ACSM2B: variants seen among roughly 807,000 people sequenced by gnomAD.
ACSM2B encodes the protein acyl-CoA synthetase medium chain family member 2B.
Under a neutral mutation model 78.6 loss-of-function variants are expected in ACSM2B, and 58 were observed. The observed-to-expected ratio is 0.74, with a 90% CI of 0.60 to 0.92. The LOEUF is 0.92. ACSM2B is among the 40% of genes least tolerant of loss of function. The pLI, the probability that ACSM2B is intolerant of heterozygous loss-of-function variation, is 0.00. For missense variants in ACSM2B, 688 were observed against 711.2 expected (o/e 0.97, Z 0.37); for synonymous variants, 257 against 256.8 (o/e 1.00, Z -0.01).
intron 1 of ACSM2B, among the ~76,000 whole-genome samples, chr16:20,566,432 T>C (rs2015845453): frequency 7.7e-6 from 1 of 130,098 alleles, no homozygotes; most frequent in Non-Finnish European, 1.6e-5. Flanking sequence ...TATTATACAT[T>C]TATATTGTAT....
At chr16:20,561,960 A>G (rs28633991) in intron 2 of ACSM2B, among the ~76,000 whole-genome samples, 27,213 of 57,810 alleles carry the variant, frequency 0.47, 3,512 homozygotes, top group East Asian at 0.76. Context: ...GAGAACATGC[A>G]GTGTTTGGTT....
At chr16:20,571,053 T>C (rs1464737957) in intron 1 of ACSM2B, among the ~76,000 whole-genome samples, 1 of 151,958 alleles carries the variant, frequency 6.6e-6, no homozygotes, top group Non-Finnish European at 1.5e-5. Context: ...TTGTATTTTT[T>C]TATCTCAATT....
intron 10 of ACSM2B, chr16:20,544,584 G>T: frequency 1.0e-6 from 1 of 985,252 alleles, no homozygotes; most frequent in Non-Finnish European, 1.2e-6. Flanking sequence ...GGATCAGAAG[G>T]CATGCCCTTG....
At chr16:20,547,693 C>G (rs187739108) in intron 8 of ACSM2B, 155 of 1,087,522 alleles carry the variant, frequency 1.4e-4, no homozygotes, top group Admixed American at 1.9e-4. Flanking sequence ...AAACTTTGGT[C>G]TCTGCTAAAA....
At chr16:20,555,157 C>T in intron 4 of ACSM2B, 112 bp downstream of exon 4, 1 of 1,524,640 alleles carries the variant, frequency 6.6e-7, no homozygotes, top group East Asian at 2.3e-5. Context: ...CTTCACTCTT[C>T]CTAGTCCCAT....
At position 20,564,751 on chromosome 16, in the gene ACSM2B, G is replaced by T; in HGVS notation, c.95C>A (p.Ser32Tyr). Residue 32 changes from serine to tyrosine, a missense_variant, in exon 2 of 14, where the codon TCC (serine) becomes TAC (tyrosine). Ser to Tyr is a moderately radical substitution (Grantham distance 144, BLOSUM62 -2). Coordinates refer to ENST00000329697, the MANE Select transcript of ACSM2B (RefSeq NM_001105069.2). ...TLYINSRQLV[S>Y]LQWGHQEVPA... ...CACTTCCTGGTGGCCCCACTGCAGG[G>T]ACACCAGTTGCCTACTATTAATGTA... 1 of 1,613,490 alleles carries T rather than the reference G, an allele frequency of 6.2e-7. No individual in the cohort carries two copies.
intron 3 of ACSM2B, among the ~76,000 whole-genome samples, chr16:20,555,827 TA>T (rs1255140725): frequency 6.6e-6 from 1 of 152,134 alleles, no homozygotes; most frequent in African/African-American, 2.4e-5. Flanking sequence ...ATATGATAAT[TA>T]AAGAATCATG....
intron 6 of ACSM2B, chr16:20,549,711 G>A (rs752442480): frequency 9.2e-6 from 4 of 435,504 alleles, no homozygotes; most frequent in South Asian, 5.0e-5. Context: ...TGGTCAGGGT[G>A]CACTTTGGTT....
At chr16:20,558,584 C>T (rs1244635610) in intron 3 of ACSM2B, among the ~76,000 whole-genome samples, 4 of 152,068 alleles carry the variant, frequency 2.6e-5, no homozygotes, top group Admixed American at 1.3e-4. Flanking sequence ...GCCTCTCTAT[C>T]TCTTGGCAAA....
intron 1 of ACSM2B, among the ~76,000 whole-genome samples, chr16:20,568,910 G>C (rs2016012672): frequency 6.6e-6 from 1 of 151,090 alleles, no homozygotes; most frequent in Non-Finnish European, 1.5e-5. Context: ...GGGATTTTTT[G>C]GGCTTTTTTT....
rs779466653 is a variant in ACSM2B, at chr16:20,553,759, A to G, written c.740+18T>C. ...CCTGGTCATGCAATTCTCTGTAGAG[A>G]GAAAGAGCTCAGCTTACCCAGCATC... is the stretch of plus-strand genomic sequence containing the variant. On this transcript the variant is annotated intron_variant, in intron 5 of 13. Transcript: ENST00000329697. 1 of 1,606,982 alleles carries G rather than the reference A, an allele frequency of 6.2e-7. No homozygotes were observed. The highest frequency in any genetic ancestry group is 1.1e-5 in the South Asian group (1 of 90,464).
rs2015140998 is a variant in ACSM2B, at chr16:20,546,331, A to G, written c.1179+63T>C. 5.8e-6 allele frequency: 9 copies of G among 1,556,978 alleles called. No homozygotes were observed. In the East Asian group the frequency reaches 2.1e-4, roughly 36 times the overall value. ...TTTTTGACTCAATAAACAATGGAAAACATAAATTACTGAAAATCAGTGTTT... is the reference window on the plus strand; with the variant it reads ...TTTTTGACTCAATAAACAATGGAAAGCATAAATTACTGAAAATCAGTGTTT... On this transcript the variant is annotated intron_variant, in intron 9 of 13. Coordinates refer to ENST00000329697, the MANE Select transcript of ACSM2B (RefSeq NM_001105069.2).
At chr16:20,573,778 T>G (rs2016162469) in intron 1 of ACSM2B, among the ~76,000 whole-genome samples, 1 of 151,770 alleles carries the variant, frequency 6.6e-6, no homozygotes, top group African/African-American at 2.4e-5. Flanking sequence ...AACCAGCAAG[T>G]TTTTATTAGG....
At position 20,548,423 on chromosome 16, in the gene ACSM2B, GT is replaced by G. The variant is rs747642495; in HGVS notation, c.944del (p.Tyr315SerfsTer54). ...AAAGATCCTGCTGTAGCAACATCCG[GT>G]AAACAATAGGGGCACCCATCATACT... ...IKSMMGAPIV[Y>X]RMLLQQDLSS... is the part of the protein sequence containing the mutation. On this transcript the variant is annotated frameshift_variant, in exon 7 of 14. Transcript: ENST00000329697. LOFTEE classifies it high-confidence loss of function. 4 of 1,613,638 alleles carry G rather than the reference GT, an allele frequency of 2.5e-6. No homozygotes were observed. The highest frequency in any genetic ancestry group is 3.4e-6 in the Non-Finnish European group (4 of 1,179,730).
chr16:20,561,792 C>T (rs1025105084), intron 2 of ACSM2B, among the ~76,000 whole-genome samples: 16 of 151,532 alleles, frequency 1.1e-4, no homozygotes, highest in African/African-American at 3.9e-4. Context: ...TATACATGTG[C>T]CATGTTGGTG....
At chr16:20,553,731 A>G (rs769617989) in intron 5 of ACSM2B, 46 bp downstream of exon 5, 4 of 1,595,044 alleles carry the variant, frequency 2.5e-6, no homozygotes, top group South Asian at 2.2e-5. Flanking sequence ...AAACGTCTTC[A>G]TGCCTGGTCA....
chr16:20,550,258 AG>A (rs2015269554), intron 6 of ACSM2B, among the ~76,000 whole-genome samples: 1 of 152,180 alleles, frequency 6.6e-6, no homozygotes, highest in Non-Finnish European at 1.5e-5. Flanking sequence ...CAAAATGTCT[AG>A]AAAAAATGAC....
rs999706858 is a variant in ACSM2B, at chr16:20,537,433, G to A, written c.1630-71C>T. On this transcript the variant is annotated intron_variant, in intron 13 of 13. Coordinates refer to ENST00000329697, the MANE Select transcript of ACSM2B (RefSeq NM_001105069.2). Reference sequence around the variant, plus strand: ...GTGGGTTGCATTTTTCAGAACTGCTGTAGGGTGAGGGGAAGTTCTTCAGGC... The same window carrying A: ...GTGGGTTGCATTTTTCAGAACTGCTATAGGGTGAGGGGAAGTTCTTCAGGC... The A allele has an allele frequency of 9.0e-6, 14 of 1,551,614 alleles. 1 individual carries two copies. The highest frequency in any genetic ancestry group is 6.8e-5 in the East Asian group (3 of 44,370).
At position 20,536,566 on chromosome 16, in the gene ACSM2B, T is replaced by C. The variant is rs1596697972; in HGVS notation, c.*692A>G. The stretch of plus-strand genomic sequence containing the variant: ...ACACACAAGTCTTCCTGTATGGAGG[T>C]CTTCTCCTAGGGTAAAAGAAAGTAC... On this transcript the variant is annotated 3_prime_UTR_variant, in exon 14 of 14. Coordinates refer to ENST00000329697, the MANE Select transcript of ACSM2B (RefSeq NM_001105069.2). The C allele has an allele frequency of 6.6e-6, 1 of 152,050 alleles. No homozygotes were observed. The highest frequency in any genetic ancestry group is 2.4e-5 in the African/African-American group (1 of 41,394). The allele number at this position is 152,050 out of a possible 1,614,324, so 9.4% of individuals were successfully genotyped here.
Sources: allele counts gnomAD v4.1 joint callset (sites outside exome capture counted in the v4.1 genomes callset), GRCh38; gene constraint gnomAD v4.1.1; transcripts MANE v1.5; gene names NCBI Gene and HGNC (gene_info 2026-07-23, HGNC 2026-07-21).